The following PPTC7 variants were observed in gnomAD, a reference collection of about 807,000 sequenced individuals.
PPTC7 encodes the protein protein phosphatase PTC7 homolog.
PPTC7 carries 6 observed loss-of-function variants against 30.8 expected under a neutral mutation model. The ratio of observed to expected loss-of-function variants is 0.19; its 90% CI spans 0.11 to 0.38. The LOEUF is 0.38. Among genes scored for constraint, PPTC7 ranks in the 10% least tolerant of loss-of-function variants. The probability of loss-of-function intolerance (pLI) is 1.00; values close to 1 mark genes in which losing one functional copy is unlikely to be tolerated. For synonymous variants in PPTC7, 163 were observed against 168.1 expected, an observed-to-expected ratio of 0.97 and a Z score of 0.23; for missense variants, 218 against 404.8, an observed-to-expected ratio of 0.54 and a Z score of 3.96.
At chr12:110,579,462 A>G (rs1164636715) in intron 1 of PPTC7, among the ~76,000 whole-genome samples, 1 of 152,208 alleles carries the variant, frequency 6.6e-6, no homozygotes, top group African/African-American at 2.4e-5. Context: ...TCAAGGGTAC[A>G]GAGCTGGGGT....
intron 2 of PPTC7, among the ~76,000 whole-genome samples, chr12:110,547,166 C>A (rs1204428432): frequency 1.3e-5 from 2 of 152,128 alleles, no homozygotes; most frequent in African/African-American, 4.8e-5. Flanking sequence ...TGAGAAAGAA[C>A]TGGAAACAAT....
chr12:110,552,674 C>T (rs933656366), intron 1 of PPTC7, among the ~76,000 whole-genome samples: 7 of 152,136 alleles, frequency 4.6e-5, no homozygotes, highest in Non-Finnish European at 5.9e-5. Flanking sequence ...ACTGTCCTGG[C>T]TAACTCAGTG....
chr12:110,582,202 T>G (rs1409063513), intron 1 of PPTC7, among the ~76,000 whole-genome samples: 1 of 152,186 alleles, frequency 6.6e-6, no homozygotes, highest in Non-Finnish European at 1.5e-5. Context: ...TGACCGCAAG[T>G]GGACAAGATC....
chr12:110,540,321 C>CTTT (rs11369595), intron 3 of PPTC7, among the ~76,000 whole-genome samples: 35 of 105,042 alleles, frequency 3.3e-4, no homozygotes, highest in South Asian at 7.0e-4. Context: ...CCCCCCCCGC[C>CTTT]TTTTTTTTTT....
At position 110,538,257 on chromosome 12, in the gene PPTC7, C is replaced by T. The variant is rs760047785; in HGVS notation, c.743G>A (p.Ser248Asn). The change falls in exon 5 of 6, where the codon AGT (serine) becomes AAT (asparagine). Residue 248 changes from serine (S) to asparagine (N), a missense_variant. Ser to Asn is a conservative substitution (Grantham distance 46). Transcript: ENST00000354300. ...AATGCTTCTGGCAGTCTGTTGTATA[C>T]TCTCATAATTTGAATTCTAAGATAA... ...LKKLKNSNYE[S>N]IQQTARSIAE... 17 of 1,613,898 alleles carry T rather than the reference C, an allele frequency of 1.1e-5. No individual in the cohort carries two copies. In the East Asian group the frequency reaches 3.6e-4, roughly 34 times the overall value.
intron 1 of PPTC7, among the ~76,000 whole-genome samples, chr12:110,563,231 C>T (rs931790583): frequency 1.3e-5 from 2 of 151,434 alleles, no homozygotes; most frequent in African/African-American, 2.4e-5. Flanking sequence ...ATCAAGACTA[C>T]GTCAAGAACA....
At chr12:110,568,421 T>C (rs917911106) in intron 1 of PPTC7, among the ~76,000 whole-genome samples, 3 of 151,748 alleles carry the variant, frequency 2.0e-5, no homozygotes, top group Non-Finnish European at 2.9e-5. Context: ...CCCGGCTAAT[T>C]TTTTGTATTT....
rs1252694520 is a variant in PPTC7 at position 110,551,835 on chromosome 12, G to A, written c.357C>T (p.Leu119=). The A allele has an allele frequency of 1.2e-6, 2 of 1,614,154 alleles. No individual in the cohort carries two copies. Among genetic ancestry groups the A allele is most frequent in the Admixed American group, 1.7e-5 (1 of 60,024 alleles). ...RFVPSNPIGI[L]TTSYCELLQN... ...GCAGCAACTCACAGTAGCTTGTGGT[G>A]AGAATTCCAATGGGATTACTAGGTA... is the stretch of plus-strand genomic sequence containing the variant. The change falls in exon 2 of 6, where the codon CTC becomes CTT. Residue 119 remains leucine (L), a synonymous_variant. Coordinates refer to ENST00000354300, the MANE Select transcript of PPTC7 (RefSeq NM_139283.2).
chr12:110,574,694 T>C (rs1472641521), intron 1 of PPTC7, among the ~76,000 whole-genome samples: 1 of 152,172 alleles, frequency 6.6e-6, no homozygotes, highest in Non-Finnish European at 1.5e-5. Flanking sequence ...TTACAAAAAG[T>C]CTTGATTTAT....
intron 1 of PPTC7, among the ~76,000 whole-genome samples, chr12:110,570,133 C>T (rs2064521311): frequency 6.6e-6 from 1 of 151,422 alleles, no homozygotes; most frequent in African/African-American, 2.4e-5. Flanking sequence ...AAGAAAAATT[C>T]TTCTGCCTTG....
At chr12:110,538,599 T>G (rs190680921) in intron 4 of PPTC7, among the ~76,000 whole-genome samples, 83 of 152,328 alleles carry the variant, frequency 5.4e-4, no homozygotes, top group Non-Finnish European at 3.7e-4. Context: ...AAAGCTTCCT[T>G]GCTTAGGAAC....
chr12:110,567,100 T>C (rs1271237052), intron 1 of PPTC7, among the ~76,000 whole-genome samples: 1 of 152,206 alleles, frequency 6.6e-6, no homozygotes, highest in Non-Finnish European at 1.5e-5. Context: ...AGTGCCTTTA[T>C]AGCGATCTTC....
intron 1 of PPTC7, among the ~76,000 whole-genome samples, chr12:110,555,793 G>C (rs1163936328): frequency 6.6e-6 from 1 of 152,116 alleles, no homozygotes; most frequent in African/African-American, 2.4e-5. Context: ...TATATTAAAA[G>C]AATTTAAGAT....
At chr12:110,580,880 T>C (rs1436720358) in intron 1 of PPTC7, among the ~76,000 whole-genome samples, 1 of 152,064 alleles carries the variant, frequency 6.6e-6, no homozygotes, top group African/African-American at 2.4e-5. Flanking sequence ...GCCTGTTGAG[T>C]AGCTGGGACT....
At chr12:110,560,416 A>T (rs930979454) in intron 1 of PPTC7, among the ~76,000 whole-genome samples, 13 of 151,816 alleles carry the variant, frequency 8.6e-5, no homozygotes, top group South Asian at 2.1e-4. Flanking sequence ...AATAAAAAAT[A>T]AAAAAAGGTA....
At position 110,536,002 on chromosome 12, in the gene PPTC7, T is replaced by A. The variant is rs538688052; in HGVS notation, c.*1035A>T. 2.6e-5 allele frequency: 4 copies of A among 152,564 alleles called. No individual in the cohort carries two copies. The highest frequency in any genetic ancestry group is 9.7e-5 in the African/African-American group (4 of 41,450). 9.5% of individuals were successfully genotyped at this position (152,564 alleles called of 1,614,324 possible). A position where few individuals can be genotyped will look rare whatever the true frequency, so the allele number is the denominator to read the frequency against. ...CTGCCGCTGCGCACACAGTGCTCTC[T>A]CCACATGGACTCACTGGATTTGGTG... On this transcript the variant is annotated 3_prime_UTR_variant, in exon 6 of 6. Coordinates refer to ENST00000354300, the MANE Select transcript of PPTC7 (RefSeq NM_139283.2).
Position 110,551,892 on chromosome 12 carries a change from C to G in PPTC7, c.300G>C (p.Thr100=). The stretch of plus-strand genomic sequence containing the variant: ...GTCCTTCTTTTACTAAACGTTCACA[C>G]GTCCGCATTAAAGTCCCTGAGAATT... ...PSQFSGTLMR[T]CERLVKEGRF... The change falls in exon 2 of 6, where the codon ACG becomes ACC. Residue 100 remains threonine (T), a synonymous_variant. Coordinates refer to ENST00000354300, the MANE Select transcript of PPTC7 (RefSeq NM_139283.2). 1 of 1,614,074 alleles carries G rather than the reference C, an allele frequency of 6.2e-7. No individual in the cohort carries two copies. Among genetic ancestry groups the G allele is most frequent in the Non-Finnish European group, 8.5e-7 (1 of 1,179,930 alleles).
chr12:110,572,274 T>A (rs2064542849), intron 1 of PPTC7, among the ~76,000 whole-genome samples: 1 of 152,036 alleles, frequency 6.6e-6, no homozygotes, highest in Non-Finnish European at 1.5e-5. Context: ...TGAAACCCCA[T>A]CTCTACTAAA....
At position 110,569,443 on chromosome 12, in the gene PPTC7, T is replaced by C. The variant is rs373689343; in HGVS notation, c.223+13366A>G. ...GAGATAACACTGCTCCCAACTTTCT[T>C]TGCCACTAACTGGACCTAAGACACT... On this transcript the variant is annotated intron_variant, in intron 1 of 5. Coordinates refer to ENST00000354300, the MANE Select transcript of PPTC7 (RefSeq NM_139283.2). 1.2e-4 allele frequency among the ~76,000 whole-genome samples: 18 copies of C among 152,326 alleles called. No homozygotes were observed. The East Asian group carries it at 2.1e-3, about 18-fold the overall frequency.
Sources: allele counts gnomAD v4.1 joint callset (sites outside exome capture counted in the v4.1 genomes callset), GRCh38; gene constraint gnomAD v4.1.1; transcripts MANE v1.5; gene names NCBI Gene and HGNC (gene_info 2026-07-23, HGNC 2026-07-21).